The following GBE1 variants were observed in gnomAD, a reference collection of about 807,000 sequenced individuals.
GBE1 encodes the protein 1,4-alpha-glucan-branching enzyme.
A neutral mutation model predicts 88.8 loss-of-function variants in GBE1; 70 were observed. The ratio of observed to expected loss-of-function variants is 0.79; its 90% CI spans 0.65 to 0.96. The LOEUF (loss-of-function observed/expected upper bound fraction) is 0.96, where lower values mean the gene tolerates loss of function less well. GBE1 is among the 40% of genes least tolerant of loss of function. The pLI, the probability that GBE1 is intolerant of heterozygous loss-of-function variation, is 0.00. For missense variants in GBE1, 872 were observed against 871.0 expected (o/e 1.00, Z -0.01); for synonymous variants, 284 against 300.1 (o/e 0.95, Z 0.56).
At chr3:81,615,657 AC>A (rs1342943008) in intron 7 of GBE1, among the ~76,000 whole-genome samples, 3 of 152,292 alleles carry the variant, frequency 2.0e-5, no homozygotes, top group Admixed American at 2.0e-4. Flanking sequence ...ATATGGATGT[AC>A]TACACTCTGT....
Position 81,750,587 on chromosome 3 carries a change from ACGTATATATATATG to A in GBE1, c.143+10774_143+10787del, listed in dbSNP as rs1559708544. ...TGTATATATATATACGTATATATAT[ACGTATATATATATG>A]TGTATATATATATATGTATATATAT... On this transcript the variant is annotated intron_variant, in intron 1 of 15. Coordinates refer to ENST00000429644, the MANE Select transcript of GBE1 (RefSeq NM_000158.4). Among the ~76,000 whole-genome samples, 174 of 50,110 alleles carry A rather than the reference ACGTATATATATATG, an allele frequency of 3.5e-3. 9 individuals carry two copies. The highest frequency in any genetic ancestry group is 9.5e-3 in the East Asian group (5 of 528). 32.9% of individuals were successfully genotyped at this position (50,110 alleles called of 152,430 possible).
chr3:81,619,070 T>G (rs1024043879), intron 7 of GBE1, among the ~76,000 whole-genome samples: 2 of 152,164 alleles, frequency 1.3e-5, no homozygotes, highest in Non-Finnish European at 2.9e-5. Context: ...GAACATGTAA[T>G]TTTCATTCAC....
At chr3:81,563,440 A>T (rs1390648661) in intron 12 of GBE1, among the ~76,000 whole-genome samples, 3 of 152,166 alleles carry the variant, frequency 2.0e-5, no homozygotes, top group Non-Finnish European at 4.4e-5. Context: ...TGCATGTCCA[A>T]CAATAAAGTG....
chr3:81,497,373 C>CT (rs1303838840), intron 15 of GBE1, among the ~76,000 whole-genome samples: 1 of 152,138 alleles, frequency 6.6e-6, no homozygotes, highest in Non-Finnish European at 1.5e-5. Context: ...ACAAGTACAA[C>CT]TTTAAAATAC....
chr3:81,524,736 T>C (rs1702921470), intron 14 of GBE1, among the ~76,000 whole-genome samples: 1 of 151,896 alleles, frequency 6.6e-6, no homozygotes, highest in Admixed American at 6.6e-5. Context: ...TGGATTGATT[T>C]CTGGTTTTAT....
At chr3:81,606,161 C>T (rs1400071779) in intron 7 of GBE1, among the ~76,000 whole-genome samples, 1 of 152,138 alleles carries the variant, frequency 6.6e-6, no homozygotes, top group Non-Finnish European at 1.5e-5. Flanking sequence ...TAGTGATGCA[C>T]ACTCTAGGAA....
intron 1 of GBE1, among the ~76,000 whole-genome samples, chr3:81,750,913 C>T (rs965596003): frequency 6.6e-6 from 1 of 151,082 alleles, no homozygotes; most frequent in East Asian, 2.0e-4. Flanking sequence ...CTCCTGACCT[C>T]GTGATCTGCC....
At chr3:81,510,996 T>C (rs533254723) in intron 14 of GBE1, among the ~76,000 whole-genome samples, 2 of 152,142 alleles carry the variant, frequency 1.3e-5, no homozygotes, top group South Asian at 4.1e-4. Flanking sequence ...GGTATATGTA[T>C]ATCAAAACAT....
chr3:81,586,427 T>C (rs988633755), intron 9 of GBE1, among the ~76,000 whole-genome samples: 5 of 152,176 alleles, frequency 3.3e-5, no homozygotes, highest in Non-Finnish European at 7.3e-5. Context: ...TTCTTCAGTA[T>C]CTCCTAGAGA....
chr3:81,599,821 G>A (rs1476706457), intron 7 of GBE1, among the ~76,000 whole-genome samples: 1 of 152,054 alleles, frequency 6.6e-6, no homozygotes, highest in Non-Finnish European at 1.5e-5. Context: ...TTGAACATAG[G>A]TAATATACAT....
chr3:81,709,649 T>C (rs1338013982), intron 1 of GBE1, among the ~76,000 whole-genome samples: 1 of 152,168 alleles, frequency 6.6e-6, no homozygotes, highest in African/African-American at 2.4e-5. Context: ...TTTTAGGAAG[T>C]TTCTTAAAGT....
chr3:81,633,378 C>T (rs1300485190), intron 7 of GBE1, among the ~76,000 whole-genome samples: 1 of 152,098 alleles, frequency 6.6e-6, no homozygotes, highest in African/African-American at 2.4e-5. Flanking sequence ...GAAAGATTAA[C>T]CTGGCTGTGG....
chr3:81,758,557 T>G (rs1449249986), intron 1 of GBE1, among the ~76,000 whole-genome samples: 1 of 152,256 alleles, frequency 6.6e-6, no homozygotes, highest in Non-Finnish European at 1.5e-5. Flanking sequence ...GGCTGACTCA[T>G]GCTGACATGT....
chr3:81,740,865 C>G (rs540220917), intron 1 of GBE1, among the ~76,000 whole-genome samples: 1 of 152,048 alleles, frequency 6.6e-6, no homozygotes, highest in Non-Finnish European at 1.5e-5. Context: ...TTAGGGAATT[C>G]ACCCTCTCAG....
intron 2 of GBE1, among the ~76,000 whole-genome samples, chr3:81,684,589 G>C (rs1463471987): frequency 6.6e-6 from 1 of 152,048 alleles, no homozygotes; most frequent in African/African-American, 2.4e-5. Context: ...CAAAGCCCCC[G>C]CCTGCAAATA....
intron 1 of GBE1, among the ~76,000 whole-genome samples, chr3:81,750,742 G>A (rs1244296908): frequency 7.2e-6 from 1 of 139,588 alleles, no homozygotes; most frequent in Non-Finnish European, 1.5e-5. Context: ...ATACAGTGGC[G>A]CGATCTTGGC....
chr3:81,650,336 A>G (rs1428551234), intron 3 of GBE1: 1 of 163,566 alleles, frequency 6.1e-6, no homozygotes, highest in Non-Finnish European at 1.3e-5. Context: ...TTTGCTTTCT[A>G]TAGCAACTAA....
intron 2 of GBE1, among the ~76,000 whole-genome samples, chr3:81,695,196 T>C (rs1461838750): frequency 6.6e-6 from 1 of 152,174 alleles, no homozygotes; most frequent in Non-Finnish European, 1.5e-5. Flanking sequence ...CCTGTACTAC[T>C]TGACACACAT....
intron 15 of GBE1, among the ~76,000 whole-genome samples, chr3:81,491,478 G>A (rs915952483): frequency 6.6e-6 from 1 of 152,064 alleles, no homozygotes; most frequent in Non-Finnish European, 1.5e-5. Flanking sequence ...TGGATCAATA[G>A]GTGCATATTT....
Sources: gnomAD v4.1 joint callset for allele counts (sites outside exome capture counted in the v4.1 genomes callset) on GRCh38, gnomAD v4.1.1 for gene constraint, MANE v1.5 for transcripts, NCBI Gene and HGNC (gene_info 2026-07-23, HGNC 2026-07-21) for gene names.